COBL: variants seen among roughly 807,000 people sequenced by gnomAD.
COBL encodes protein cordon-bleu.
COBL carries 51 observed loss-of-function variants against 98.8 expected under a neutral mutation model. That is an observed-to-expected ratio of 0.52 (90% CI 0.41 to 0.65). The LOEUF (loss-of-function observed/expected upper bound fraction) is 0.65. Ranked by LOEUF, COBL falls within the 30% of genes least tolerant of loss-of-function variation. The pLI, the probability that COBL is intolerant of heterozygous loss-of-function variation, is 0.00. For synonymous variants in COBL, 634 were observed against 651.7 expected (o/e 0.97, Z 0.41); for missense variants, 1,617 against 1,617.5 (o/e 1.00, Z 0.01).
rs778072701 is a variant in COBL at position 51,136,150 on chromosome 7, T to C, written c.957+8A>G. The C allele has an allele frequency of 1.5e-5, 24 of 1,608,258 alleles. 1 individual carries two copies. The highest frequency in any genetic ancestry group is 7.8e-5 in the South Asian group (7 of 90,264). ...TGCTTTGGTTGTGAGAACAGCCCACTGCCCTACCTTTTCCGATGCCTTGTC... is the reference window on the plus strand; with the variant it reads ...TGCTTTGGTTGTGAGAACAGCCCACCGCCCTACCTTTTCCGATGCCTTGTC... On this transcript the variant is annotated splice_region_variant and intron_variant, in intron 6 of 12. Transcript: ENST00000265136.
At chr7:51,267,498 C>T (rs1354212234) in intron 1 of COBL, among the ~76,000 whole-genome samples, 1 of 151,488 alleles carries the variant, frequency 6.6e-6, no homozygotes, top group Admixed American at 6.6e-5. Flanking sequence ...ATATATATTA[C>T]TAGTATATTG....
chr7:51,198,316 G>A (rs1476016178), intron 2 of COBL, among the ~76,000 whole-genome samples: 3 of 152,134 alleles, frequency 2.0e-5, no homozygotes, highest in Non-Finnish European at 4.4e-5. Context: ...TTTTCTTTAA[G>A]GATATTGAAT....
At chr7:51,110,490 A>G (rs1796724699) in intron 6 of COBL, among the ~76,000 whole-genome samples, 1 of 152,150 alleles carries the variant, frequency 6.6e-6, no homozygotes. Context: ...TATATACCAC[A>G]TCTTCTCTAA....
Position 51,029,581 on chromosome 7 carries a change from G to A in COBL, c.1515C>T (p.Asp505=). 6.3e-7 allele frequency: 1 copy of A among 1,588,846 alleles called. No individual in the cohort carries two copies. The highest frequency in any genetic ancestry group is 2.3e-5 in the East Asian group (1 of 44,260). ...GGGAGCTGGTGTCTGTTTCATAGCT[G>A]TCTTCCATTTCTGCAAAGAGGGACA... ...ELDEDLEEME[D]SYETDTSSLT... The change falls in exon 10 of 13, where the codon GAC becomes GAT. Residue 505 remains aspartate, a synonymous_variant. Transcript: ENST00000265136.
chr7:51,029,016 T>C lies in COBL; in HGVS notation c.2080A>G (p.Asn694Asp). 6.2e-7 allele frequency: 1 copy of C among 1,614,182 alleles called. No individual in the cohort carries two copies. Among genetic ancestry groups the C allele is most frequent in the Non-Finnish European group, 8.5e-7 (1 of 1,180,036 alleles). Reference protein sequence around the residue: ...APTSWHQRGQNPGKSYRLKHG... With the variant: ...APTSWHQRGQDPGKSYRLKHG... ...TTAAGTCTGTAGCTTTTCCCTGGGT[T>C]TTGGCCTCGTTGGTGCCATGATGTT... The change falls in exon 10 of 13, where the codon AAC (asparagine) becomes GAC (aspartate). Residue 694 changes from asparagine to aspartate, a missense_variant. Physicochemically the swap from Asn to Asp is conservative, Grantham distance 23. Coordinates refer to ENST00000265136, the MANE Select transcript of COBL (RefSeq NM_015198.5).
At chr7:51,184,785 T>TGC (rs1789333085) in intron 4 of COBL, among the ~76,000 whole-genome samples, 1 of 152,226 alleles carries the variant, frequency 6.6e-6, no homozygotes, top group Non-Finnish European at 1.5e-5. Context: ...AGCACAGCTC[T>TGC]AAGACTGCGA....
At chr7:51,256,690 C>G (rs1797233126) in intron 1 of COBL, among the ~76,000 whole-genome samples, 1 of 152,220 alleles carries the variant, frequency 6.6e-6, no homozygotes, top group Non-Finnish European at 1.5e-5. Flanking sequence ...TTACTACCAC[C>G]ACCAGTGAGG....
At chr7:51,223,159 G>T (rs1793823828) in intron 1 of COBL, among the ~76,000 whole-genome samples, 1 of 152,242 alleles carries the variant, frequency 6.6e-6, no homozygotes, top group Non-Finnish European at 1.5e-5. Context: ...CGCCTGGCAG[G>T]GCCCACTGGC....
At chr7:51,226,544 GAGTA>G (rs113226736) in intron 1 of COBL, among the ~76,000 whole-genome samples, 269 of 151,732 alleles carry the variant, frequency 1.8e-3, no homozygotes, top group African/African-American at 6.2e-3. Flanking sequence ...GTGAGTGAGT[GAGTA>G]AGTGAGTGAC....
chr7:51,037,017 TAGG>T (rs1475957903), intron 8 of COBL, among the ~76,000 whole-genome samples: 1 of 152,114 alleles, frequency 6.6e-6, no homozygotes, highest in Non-Finnish European at 1.5e-5. Flanking sequence ...TCCCTGCAGG[TAGG>T]AGGAGATACA....
At chr7:51,111,469 T>C (rs963475775) in intron 6 of COBL, among the ~76,000 whole-genome samples, 2 of 152,178 alleles carry the variant, frequency 1.3e-5, no homozygotes, top group Admixed American at 6.5e-5. Flanking sequence ...AGCTGCATAA[T>C]TGTAAGCAGG....
chr7:51,055,182 CCCT>C (rs1790618761), intron 7 of COBL, among the ~76,000 whole-genome samples: 2 of 152,326 alleles, frequency 1.3e-5, no homozygotes, highest in East Asian at 3.9e-4. Context: ...CTCAGGCCCT[CCCT>C]CCTCCATGAG....
chr7:51,249,667 C>T (rs1217568464), intron 1 of COBL, among the ~76,000 whole-genome samples: 1 of 152,172 alleles, frequency 6.6e-6, no homozygotes. Flanking sequence ...TATTTTTCCA[C>T]TTTCACCACC....
intron 7 of COBL, among the ~76,000 whole-genome samples, chr7:51,074,028 C>T (rs1278458656): frequency 6.6e-6 from 1 of 152,074 alleles, no homozygotes; most frequent in Admixed American, 6.5e-5. Flanking sequence ...CTTTAAATCT[C>T]TGAAGGCCTT....
intron 5 of COBL, chr7:51,172,518 C>T (rs763526553): frequency 4.3e-5 from 56 of 1,287,662 alleles, no homozygotes; most frequent in South Asian, 1.1e-4. Flanking sequence ...CCCGACAGCA[C>T]GAGCTGCTCA....
intron 1 of COBL, among the ~76,000 whole-genome samples, chr7:51,254,569 T>C (rs1273182138): frequency 6.6e-6 from 1 of 152,126 alleles, no homozygotes; most frequent in Non-Finnish European, 1.5e-5. Context: ...TCTCTTTCCA[T>C]CCCCCATTTT....
chr7:51,222,422 T>C (rs75885026), intron 1 of COBL, among the ~76,000 whole-genome samples: 1,694 of 152,318 alleles, frequency 0.011, 26 homozygotes, highest in African/African-American at 0.039. Context: ...TATACCACTT[T>C]AAGGAGGTAT....
intron 1 of COBL, among the ~76,000 whole-genome samples, chr7:51,253,634 A>G (rs1000248478): frequency 4.6e-5 from 7 of 152,248 alleles, no homozygotes; most frequent in Admixed American, 2.0e-4. Flanking sequence ...TAGAACTTCC[A>G]TTCCCAATAA....
At position 51,171,063 on chromosome 7, in the gene COBL, T is replaced by C. The variant is rs148967090; in HGVS notation, c.783+13039A>G. On this transcript the variant is annotated intron_variant, in intron 5 of 12. Coordinates refer to ENST00000265136, the MANE Select transcript of COBL (RefSeq NM_015198.5). ...GATTATGAATCAATTAAAAATAAAA[T>C]CAAATTTAAGAAAATTTTAAAGAGC... 2.0e-4 allele frequency among the ~76,000 whole-genome samples: 30 copies of C among 152,180 alleles called. No individual in the cohort carries two copies. In the East Asian group the frequency reaches 5.2e-3, roughly 26 times the overall value.
Sources: allele counts gnomAD v4.1 joint callset (sites outside exome capture counted in the v4.1 genomes callset), GRCh38; gene constraint gnomAD v4.1.1; transcripts MANE v1.5; gene names NCBI Gene and HGNC (gene_info 2026-07-23, HGNC 2026-07-21).